The following RAD51B variants were observed in gnomAD, a reference collection of about 807,000 sequenced individuals.
RAD51B encodes DNA repair protein RAD51 homolog 2.
RAD51B carries 38 observed loss-of-function variants against 42.2 expected under a neutral mutation model. The ratio of observed to expected loss-of-function variants is 0.90; its 90% confidence interval spans 0.70 to 1.18. The LOEUF (loss-of-function observed/expected upper bound fraction) is 1.18, where lower values mean the gene tolerates loss of function less well. Among genes scored for constraint, RAD51B ranks in the 50% most tolerant of loss-of-function variants. The probability of loss-of-function intolerance (pLI) is 0.00; values close to 1 mark genes in which losing one functional copy is unlikely to be tolerated. For synonymous variants in RAD51B, 154 were observed against 145.2 expected, an observed-to-expected ratio of 1.06 and a Z score of -0.43; for missense variants, 373 against 400.7, an observed-to-expected ratio of 0.93 and a Z score of 0.59.
rs1042777673 is a variant in RAD51B at position 68,437,282 on chromosome 14, T to A, written c.957+25755T>A. ...TGAGATGATCATATGGTTTTTCTCT[T>A]GAATTCTGTTTATGTGATGAATCAT... On this transcript the variant is annotated intron_variant, in intron 9 of 10. Coordinates refer to ENST00000471583, the MANE Select transcript of RAD51B (RefSeq NM_133510.4). Among the ~76,000 whole-genome samples the A allele has an allele frequency of 2.0e-5, 3 of 152,230 alleles. No homozygotes were observed. The East Asian group carries it at 5.8e-4, about 29-fold the overall frequency.
chr14:68,484,921 T>C (rs952716917), intron 10 of RAD51B, among the ~76,000 whole-genome samples: 3 of 152,230 alleles, frequency 2.0e-5, no homozygotes, highest in African/African-American at 7.2e-5. Context: ...GTTTCTCTCT[T>C]AGCCTTTCAA....
At chr14:67,932,684 A>T (rs2044784861) in intron 7 of RAD51B, among the ~76,000 whole-genome samples, 1 of 152,048 alleles carries the variant, frequency 6.6e-6, no homozygotes, top group Non-Finnish European at 1.5e-5. Context: ...AGTATGTGCT[A>T]ATGTTGATGG....
chr14:68,142,140 TG>T (rs1406101068), intron 7 of RAD51B, among the ~76,000 whole-genome samples: 101 of 151,996 alleles, frequency 6.6e-4, no homozygotes, highest in Non-Finnish European at 1.8e-4. Context: ...GTTAATGAAG[TG>T]TTTTTTTTTT....
At chr14:68,273,624 T>G (rs756154223) in intron 7 of RAD51B, among the ~76,000 whole-genome samples, 1 of 152,224 alleles carries the variant, frequency 6.6e-6, no homozygotes, top group Non-Finnish European at 1.5e-5. Flanking sequence ...AGGTGACCAC[T>G]TGAGTGGGCA....
At chr14:67,870,404 C>T (rs1308710612) in intron 5 of RAD51B, among the ~76,000 whole-genome samples, 1 of 149,676 alleles carries the variant, frequency 6.7e-6, no homozygotes, top group Non-Finnish European at 1.5e-5. Context: ...AATATATATG[C>T]ACCCAATACA....
Position 68,624,754 on chromosome 14 carries a change from C to T in RAD51B, c.1037-26027C>T, listed in dbSNP as rs1445425601. Among the ~76,000 whole-genome samples the T allele has an allele frequency of 3.9e-5, 6 of 152,194 alleles. No individual in the cohort carries two copies. The East Asian group carries it at 1.2e-3, about 29-fold the overall frequency. ...ACTCCTGCGCGATCCTCTCAGGAAA[C>T]AGGGCCCCAGGCAATTTCGTTCCTA... On this transcript the variant is annotated intron_variant, in intron 10 of 11. Transcript: ENST00000488612.
At chr14:68,554,398 C>G (rs1222876097) in intron 10 of RAD51B, among the ~76,000 whole-genome samples, 3 of 152,170 alleles carry the variant, frequency 2.0e-5, no homozygotes, top group African/African-American at 7.2e-5. Context: ...TTGCTGTTCT[C>G]TGAACAGACC....
At chr14:68,119,418 T>C (rs1479900756) in intron 7 of RAD51B, among the ~76,000 whole-genome samples, 2 of 149,830 alleles carry the variant, frequency 1.3e-5, no homozygotes, top group Non-Finnish European at 3.0e-5. Flanking sequence ...GCTGCACCCA[T>C]TAACTCGTCA....
At chr14:68,059,423 A>G (rs2076533476) in intron 7 of RAD51B, among the ~76,000 whole-genome samples, 2 of 151,994 alleles carry the variant, frequency 1.3e-5, no homozygotes, top group African/African-American at 2.4e-5. Context: ...TTTCAACTTT[A>G]TTACCCACTA....
At chr14:68,122,522 G>A (rs1253410062) in intron 7 of RAD51B, among the ~76,000 whole-genome samples, 1 of 152,130 alleles carries the variant, frequency 6.6e-6, no homozygotes, top group Non-Finnish European at 1.5e-5. Context: ...TATTATTGAA[G>A]ATAAAGAAGC....
chr14:68,329,114 T>G (rs2139793049), intron 8 of RAD51B, among the ~76,000 whole-genome samples: 1 of 152,280 alleles, frequency 6.6e-6, no homozygotes, highest in African/African-American at 2.4e-5. Flanking sequence ...GCTCAAGTGA[T>G]CCTCCCACCT....
rs2140274200 is a variant in RAD51B at position 67,823,529 on chromosome 14, G to A, written c.-2-13G>A. 6.2e-7 allele frequency: 1 copy of A among 1,606,630 alleles called. No individual in the cohort carries two copies. The highest frequency in any genetic ancestry group is 8.5e-7 in the Non-Finnish European group (1 of 1,176,226). ...TTTTTTCATGGTTCTTCTTTTCTTT[G>A]CTGGATCTGGAGGCATGGGTAGCAA... On this transcript the variant is annotated splice_polypyrimidine_tract_variant and intron_variant, in intron 1 of 10. Transcript: ENST00000471583.
At chr14:68,610,082 C>G (rs1292945599) in intron 10 of RAD51B, among the ~76,000 whole-genome samples, 1 of 152,226 alleles carries the variant, frequency 6.6e-6, no homozygotes. Context: ...CCGGCCTACT[C>G]TGCTGGCCGT....
chr14:67,940,555 C>G (rs1181186187), intron 7 of RAD51B, among the ~76,000 whole-genome samples: 1 of 152,054 alleles, frequency 6.6e-6, no homozygotes, highest in African/African-American at 2.4e-5. Context: ...GCCTGACTCT[C>G]CTGTTTGTGT....
At chr14:67,990,970 A>G (rs1310969936) in intron 7 of RAD51B, among the ~76,000 whole-genome samples, 1 of 152,218 alleles carries the variant, frequency 6.6e-6, no homozygotes, top group Admixed American at 6.5e-5. Context: ...ATTTCAGAGT[A>G]GTTAACTCCA....
chr14:67,910,615 G>C (rs960233901), intron 7 of RAD51B, among the ~76,000 whole-genome samples: 5 of 151,394 alleles, frequency 3.3e-5, no homozygotes, highest in African/African-American at 1.2e-4. Flanking sequence ...AATTTTACTG[G>C]ATTTGTATTT....
At chr14:68,358,230 GAC>G (rs1436494086) in intron 8 of RAD51B, among the ~76,000 whole-genome samples, 1 of 152,176 alleles carries the variant, frequency 6.6e-6, no homozygotes, top group Non-Finnish European at 1.5e-5. Flanking sequence ...ACCAAAACAT[GAC>G]ACAGACATGA....
At chr14:68,296,755 A>G (rs1017484082) in intron 8 of RAD51B, among the ~76,000 whole-genome samples, 1 of 152,230 alleles carries the variant, frequency 6.6e-6, no homozygotes, top group Non-Finnish European at 1.5e-5. Flanking sequence ...GGCCCACTTC[A>G]GGAGTTCCAC....
At chr14:68,011,321 A>AT (rs1037845173) in intron 7 of RAD51B, among the ~76,000 whole-genome samples, 2 of 152,010 alleles carry the variant, frequency 1.3e-5, no homozygotes, top group Non-Finnish European at 2.9e-5. Context: ...GTGAATAAAC[A>AT]TTTTTTATAC....
Sources: allele counts gnomAD v4.1 joint callset (sites outside exome capture counted in the v4.1 genomes callset), GRCh38; gene constraint gnomAD v4.1.1; transcripts MANE v1.5; gene names NCBI Gene and HGNC (gene_info 2026-07-23, HGNC 2026-07-21).